Variants in GARNL3 observed in about 807,000 individuals in gnomAD.
The protein encoded by GARNL3 is GTPase-activating Rap/Ran-GAP domain-like protein 3.
GARNL3 carries 63 observed loss-of-function variants against 125.0 expected under a neutral mutation model. The ratio of observed to expected loss-of-function variants is 0.50; its 90% confidence interval spans 0.41 to 0.62. The LOEUF (loss-of-function observed/expected upper bound fraction) is 0.62, where lower values mean the gene tolerates loss of function less well. Among genes scored for constraint, GARNL3 ranks in the 20% least tolerant of loss-of-function variants. GARNL3 has a pLI of 0.00. For missense variants in GARNL3, 994 were observed against 1,244.0 expected, an observed-to-expected ratio of 0.80 and a Z score of 3.02; for synonymous variants, 439 against 457.5, an observed-to-expected ratio of 0.96 and a Z score of 0.52.
chr9:127,349,247 G>A (rs192457714), intron 17 of GARNL3, among the ~76,000 whole-genome samples: 1 of 152,150 alleles, frequency 6.6e-6, no homozygotes, highest in East Asian at 1.9e-4. Flanking sequence ...GTGGGCCATA[G>A]GTTCTCTTCC....
chr9:127,372,413 T>C (rs1486123126), intron 22 of GARNL3, among the ~76,000 whole-genome samples: 1 of 152,224 alleles, frequency 6.6e-6, no homozygotes, highest in African/African-American at 2.4e-5. Context: ...GTGTTTAGTC[T>C]ACTATGTATT....
intron 27 of GARNL3, among the ~76,000 whole-genome samples, chr9:127,391,533 A>AAAAAGAATATAT: frequency 2.6e-5 from 2 of 75,874 alleles, no homozygotes; most frequent in African/African-American, 7.8e-5. Context: ...ACAAAAAAAA[A>AAAAAGAATATAT]ATATATATAT....
intron 1 of GARNL3, among the ~76,000 whole-genome samples, chr9:127,239,435 G>A (rs114572162): frequency 1.8e-3 from 274 of 152,208 alleles, no homozygotes; most frequent in African/African-American, 5.6e-3. Flanking sequence ...CTCACATTAC[G>A]GGAGATGTAC....
In GARNL3 at chr9:127,392,458, GC is replaced by G. The variant is rs1172671379; in HGVS notation, c.2871-621del. Among the ~76,000 whole-genome samples the G allele has an allele frequency of 4.6e-5, 7 of 152,204 alleles. No homozygotes were observed. The highest frequency in any genetic ancestry group is 1.2e-4 in the African/African-American group (5 of 41,440). Reference sequence around the variant, plus strand: ...TGACAGCAACTACCTCAGGGCAAGGGCCCCGAAGCAGGCCTAGCATGGCCAG... The same window carrying G: ...TGACAGCAACTACCTCAGGGCAAGGGCCCGAAGCAGGCCTAGCATGGCCAG... On this transcript the variant is annotated intron_variant, in intron 27 of 27. Transcript: ENST00000373387. This position sits in a 1 kb window ranked among gnomAD's most constrained non-coding sequence, Gnocchi z 5.2.
chr9:127,225,307 G>A, intron 1 of GARNL3: 5 of 982,944 alleles, frequency 5.1e-6, no homozygotes, highest in Non-Finnish European at 6.0e-6. Context: ...CCCCCGCCCG[G>A]GGCGATGGAA....
chr9:127,357,071 T>C (rs1413585685), intron 20 of GARNL3, 148 bp from the exon 21 acceptor site: 1 of 705,920 alleles, frequency 1.4e-6, no homozygotes, highest in Non-Finnish European at 2.4e-6. Flanking sequence ...GGCACTCCTC[T>C]CTTGTCCCTT....
chr9:127,274,488 T>G lies in GARNL3; in HGVS notation c.144+9467T>G, dbSNP rs1214590274. Among the ~76,000 whole-genome samples the G allele has an allele frequency of 3.9e-5, 6 of 152,192 alleles. No individual in the cohort carries two copies. In the East Asian group the frequency reaches 1.2e-3, roughly 29 times the overall value. On this transcript the variant is annotated intron_variant, in intron 1 of 27. Coordinates refer to ENST00000373387, the MANE Select transcript of GARNL3 (RefSeq NM_032293.5). ...TACAGGCACCCCACTCCCTCCTTTC[T>G]GAGTCCTGGCTTCCTCATGCTCTCC...
intron 1 of GARNL3, among the ~76,000 whole-genome samples, chr9:127,275,615 G>T (rs2063934210): frequency 6.6e-6 from 1 of 152,210 alleles, no homozygotes; most frequent in African/African-American, 2.4e-5. Context: ...TGTGGGTTCT[G>T]AAATTTGCTT....
intron 2 of GARNL3, among the ~76,000 whole-genome samples, chr9:127,258,367 C>T (rs1423215878): frequency 6.6e-6 from 1 of 152,136 alleles, no homozygotes; most frequent in African/African-American, 2.4e-5. Context: ...GGGCCAGGTG[C>T]AGTGGCTCAC....
intron 9 of GARNL3, among the ~76,000 whole-genome samples, chr9:127,334,998 C>T (rs1485655325): frequency 6.6e-6 from 1 of 152,210 alleles, no homozygotes; most frequent in Non-Finnish European, 1.5e-5. Flanking sequence ...ATGACCTTCT[C>T]CATTCTGAGG....
chr9:127,343,681 G>C (rs1000940751), intron 14 of GARNL3, among the ~76,000 whole-genome samples: 1 of 152,184 alleles, frequency 6.6e-6, no homozygotes, highest in African/African-American at 2.4e-5. Flanking sequence ...GTTTTAAAGA[G>C]AACTAACATT....
intron 1 of GARNL3, among the ~76,000 whole-genome samples, chr9:127,227,471 G>T (rs759860645): frequency 2.8e-4 from 42 of 152,144 alleles, no homozygotes; most frequent in Non-Finnish European, 4.3e-4. Flanking sequence ...TGTGGTGGTA[G>T]GCGCCTGTAA....
chr9:127,239,751 G>T (rs1007305887), intron 1 of GARNL3, among the ~76,000 whole-genome samples: 1 of 152,080 alleles, frequency 6.6e-6, no homozygotes, highest in African/African-American at 2.4e-5. Context: ...AAAGATAAAA[G>T]AAATGAGTAA....
rs1278442690 is a variant in GARNL3, at chr9:127,354,336, A to C, written c.1685A>C (p.Gln562Pro). The change falls in exon 19 of 28, where the codon CAA becomes CCA. Residue 562 changes from glutamine (Q) to proline (P), a missense_variant. Coordinates refer to ENST00000373387, the MANE Select transcript of GARNL3 (RefSeq NM_032293.5). The stretch of plus-strand genomic sequence containing the variant: ...TTTGTCTTCAGGCTAAGTGCTCTGC[A>C]AAAGGGCCTTGAGGGGAAGCAGGCT... ...RLFVFRLSAL[Q>P]KGLEGKQAGK... 7.4e-6 allele frequency: 12 copies of C among 1,613,976 alleles called. No individual in the cohort carries two copies. Among genetic ancestry groups the C allele is most frequent in the Non-Finnish European group, 1.0e-5 (12 of 1,179,890 alleles).
At chr9:127,317,868 G>T (rs1255625649) in intron 4 of GARNL3, among the ~76,000 whole-genome samples, 195 bp from the exon 5 acceptor site, 12 of 152,234 alleles carry the variant, frequency 7.9e-5, no homozygotes, top group Admixed American at 7.9e-4. Flanking sequence ...ACATGTTGGG[G>T]TGGAGAGATC....
At chr9:127,251,469 A>G (rs932985811) in intron 2 of GARNL3, among the ~76,000 whole-genome samples, 5 of 152,108 alleles carry the variant, frequency 3.3e-5, no homozygotes, top group Non-Finnish European at 5.9e-5. Context: ...ATTTTAGAAA[A>G]TCTTTCAAAA....
At chr9:127,352,143 A>G (rs922135464) in intron 17 of GARNL3, among the ~76,000 whole-genome samples, 3 of 152,224 alleles carry the variant, frequency 2.0e-5, no homozygotes, top group Non-Finnish European at 4.4e-5. Context: ...GGGCTGCTCC[A>G]ACATCCCATT....
intron 22 of GARNL3, among the ~76,000 whole-genome samples, chr9:127,376,336 A>G (rs1345379674): frequency 2.0e-5 from 3 of 151,606 alleles, no homozygotes; most frequent in South Asian, 2.1e-4. Context: ...CTCCTGCCTC[A>G]GCTTCCCGAG....
At chr9:127,260,190 A>G (rs2063561179), upstream of GARNL3, among the ~76,000 whole-genome samples, 1 of 152,198 alleles carries the variant, frequency 6.6e-6, no homozygotes, top group Non-Finnish European at 1.5e-5. Flanking sequence ...ATCTCCTCCC[A>G]TGGATAGAAA....
Sources: gnomAD v4.1 joint callset for allele counts (sites outside exome capture counted in the v4.1 genomes callset) on GRCh38, gnomAD v4.1.1 for gene constraint, Gnocchi (gnomAD v3.1) non-coding constraint, MANE v1.5 for transcripts, NCBI Gene and HGNC (gene_info 2026-07-23, HGNC 2026-07-21) for gene names.